The following EIF2A variants were observed in gnomAD, a reference collection of about 807,000 sequenced individuals.
EIF2A encodes 65 kDa eukaryotic translation initiation factor 2A.
EIF2A carries 62 observed loss-of-function variants against 75.2 expected under a neutral mutation model. That is an observed-to-expected ratio of 0.82 (90% CI 0.67 to 1.02). EIF2A has a LOEUF of 1.02. Ranked by LOEUF, EIF2A falls within the 50% of genes least tolerant of loss-of-function variation. The pLI, the probability that EIF2A is intolerant of heterozygous loss-of-function variation, is 0.00. For missense variants in EIF2A, 611 were observed against 677.7 expected (o/e 0.90, Z 1.09); for synonymous variants, 207 against 239.0 (o/e 0.87, Z 1.23).
chr3:150,581,606 T>C lies in EIF2A; in HGVS notation c.1498-12T>C. ...GCTTTTAAAATTGAATTTAAAAAAA[T>C]ATTTCCTGCAGGAAGCAAGAAGTGA... is the stretch of plus-strand genomic sequence containing the variant. On this transcript the variant is annotated splice_polypyrimidine_tract_variant and intron_variant, in intron 11 of 13. Transcript: ENST00000460851. The C allele has an allele frequency of 6.5e-7, 1 of 1,547,620 alleles. No individual in the cohort carries two copies. Among genetic ancestry groups the C allele is most frequent in the Non-Finnish European group, 8.7e-7 (1 of 1,145,874 alleles).
At chr3:150,577,312 A>C (rs1433739403) in intron 11 of EIF2A, among the ~76,000 whole-genome samples, 1 of 152,002 alleles carries the variant, frequency 6.6e-6, no homozygotes, top group East Asian at 1.9e-4. Flanking sequence ...AATATGTCAG[A>C]CTGTAGCAGT....
chr3:150,567,944 G>A lies in EIF2A; in HGVS notation c.592G>A (p.Val198Ile), dbSNP rs1170992609. The A allele has an allele frequency of 6.2e-7, 1 of 1,612,604 alleles. No individual in the cohort carries two copies. The highest frequency in any genetic ancestry group is 1.1e-5 in the South Asian group (1 of 90,700). The change falls in exon 8 of 14, where the codon GTT becomes ATT. Residue 198 changes from valine to isoleucine, a missense_variant. By Grantham distance (29) the Val-to-Ile change is conservative. Coordinates refer to ENST00000460851, the MANE Select transcript of EIF2A (RefSeq NM_032025.5). Reference protein sequence around the residue: ...VPGSKGAPSFVRLYQYPNFAG... With the variant: ...VPGSKGAPSFIRLYQYPNFAG... ...AGGAAGTAAAGGTGCACCTTCATTT[G>A]TTAGATTATATCAGTACCCCAACTT...
chr3:150,567,433 A>G (rs752930162), intron 6 of EIF2A: 16 of 333,604 alleles, frequency 4.8e-5, no homozygotes, highest in Admixed American at 2.8e-4. Flanking sequence ...CTTAAAACCA[A>G]TTACTGAGAG....
chr3:150,581,510 TA>T, intron 11 of EIF2A, 107 bp from the exon 12 acceptor site: 1 of 1,309,482 alleles, frequency 7.6e-7, no homozygotes, highest in Non-Finnish European at 1.0e-6. Flanking sequence ...AAAATGTAGA[TA>T]AAATCACATA....
At chr3:150,581,591 T>C (rs1380766778) in intron 11 of EIF2A, 27 bp from the exon 12 acceptor site, 10 of 1,546,502 alleles carry the variant, frequency 6.5e-6, no homozygotes, top group Non-Finnish European at 7.9e-6. Context: ...GCTTTTAAAA[T>C]TGAATTTAAA....
At chr3:150,553,385 G>A (rs1053084022) in intron 2 of EIF2A, among the ~76,000 whole-genome samples, 1 of 151,806 alleles carries the variant, frequency 6.6e-6, no homozygotes, top group Non-Finnish European at 1.5e-5. Flanking sequence ...TATCAGGTTG[G>A]TGGCATAACC....
chr3:150,560,892 G>T (rs956306109), intron 3 of EIF2A, among the ~76,000 whole-genome samples: 1 of 152,016 alleles, frequency 6.6e-6, no homozygotes, highest in African/African-American at 2.4e-5. Context: ...AAACAGAAAT[G>T]ATGACATTTG....
chr3:150,570,342 A>G (rs1012879480), intron 9 of EIF2A, among the ~76,000 whole-genome samples: 1 of 152,088 alleles, frequency 6.6e-6, no homozygotes, highest in South Asian at 2.1e-4. Flanking sequence ...TTTTCTTAAT[A>G]TATCAAGTAA....
At chr3:150,567,474 G>A in intron 6 of EIF2A, 1 of 460,512 alleles carries the variant, frequency 2.2e-6, no homozygotes, top group Non-Finnish European at 3.9e-6. Flanking sequence ...ACTTGCCTAA[G>A]CTCACACTGC....
Position 150,585,683 on chromosome 3 carries a change from G to A in EIF2A, c.*1772G>A, listed in dbSNP as rs1478984995. On this transcript the variant is annotated 3_prime_UTR_variant, in exon 14 of 14. Coordinates refer to ENST00000460851, the MANE Select transcript of EIF2A (RefSeq NM_032025.5). Reference sequence around the variant, plus strand: ...ATGCCTAATACATAACTAATATATGGACAGGAAGTTAATAGACTGACTGTG... The same window carrying A: ...ATGCCTAATACATAACTAATATATGAACAGGAAGTTAATAGACTGACTGTG... Among the ~76,000 whole-genome samples, 1 of 152,174 alleles carries A rather than the reference G, an allele frequency of 6.6e-6. No individual in the cohort carries two copies. Among genetic ancestry groups the A allele is most frequent in the Non-Finnish European group, 1.5e-5 (1 of 68,030 alleles).
At chr3:150,556,749 AG>A (rs1344136460) in intron 2 of EIF2A, among the ~76,000 whole-genome samples, 1 of 152,212 alleles carries the variant, frequency 6.6e-6, no homozygotes, top group Non-Finnish European at 1.5e-5. Flanking sequence ...AGAAGGAAAG[AG>A]GCAAAATTTC....
chr3:150,547,366 A>G (rs1039052509), intron 1 of EIF2A, among the ~76,000 whole-genome samples: 3 of 152,232 alleles, frequency 2.0e-5, no homozygotes, highest in Non-Finnish European at 4.4e-5. Flanking sequence ...AGGGTGTAGC[A>G]GTGAGCATGA....
At chr3:150,567,253 A>T (rs1724236522) in intron 6 of EIF2A, 1 of 153,712 alleles carries the variant, frequency 6.5e-6, no homozygotes, top group Admixed American at 6.5e-5. Flanking sequence ...CATCATTATC[A>T]TGCATCTGTT....
At chr3:150,566,253 T>C (rs927943328) in intron 6 of EIF2A, 2 of 152,246 alleles carry the variant, frequency 1.3e-5, no homozygotes, top group Admixed American at 1.3e-4. Context: ...CTAGGATTAA[T>C]TTGTACATTT....
chr3:150,556,395 T>A (rs1723572625), intron 2 of EIF2A, among the ~76,000 whole-genome samples: 1 of 152,176 alleles, frequency 6.6e-6, no homozygotes, highest in Admixed American at 6.6e-5. Context: ...CACAATAGAA[T>A]GACCTGGGGA....
intron 10 of EIF2A, 34 bp downstream of exon 10, chr3:150,572,563 G>T: frequency 6.4e-7 from 1 of 1,556,470 alleles, no homozygotes; most frequent in Non-Finnish European, 8.7e-7. Context: ...ATAGAAAAAA[G>T]TTTATTTTGG....
chr3:150,561,885 A>G (rs1559877644), intron 3 of EIF2A, among the ~76,000 whole-genome samples: 1 of 150,410 alleles, frequency 6.6e-6, no homozygotes, highest in Non-Finnish European at 1.5e-5. Flanking sequence ...CTGCCTCCCG[A>G]GTAGCTGGGA....
intron 10 of EIF2A, 140 bp downstream of exon 10, chr3:150,572,669 A>T: frequency 1.3e-6 from 1 of 785,352 alleles, no homozygotes; most frequent in Admixed American, 2.9e-5. Context: ...AGACTGGCTA[A>T]CATGCTGAAA....
intron 11 of EIF2A, among the ~76,000 whole-genome samples, chr3:150,576,423 A>G (rs767439331): frequency 6.6e-6 from 1 of 152,074 alleles, no homozygotes; most frequent in Non-Finnish European, 1.5e-5. Flanking sequence ...GAGCAAGACC[A>G]TGACTCGAAA....
Sources: gnomAD v4.1 joint callset for allele counts (sites outside exome capture counted in the v4.1 genomes callset) on GRCh38, gnomAD v4.1.1 for gene constraint, MANE v1.5 for transcripts, NCBI Gene and HGNC (gene_info 2026-07-23, HGNC 2026-07-21) for gene names.